GRIK2: variants seen among roughly 807,000 people sequenced by gnomAD.
GRIK2 encodes the protein glutamate ionotropic receptor kainate type subunit 2.
In GRIK2, 32 loss-of-function variants were observed where a neutral mutation model predicts 100.3. The observed-to-expected ratio is 0.32, with a 90% CI of 0.24 to 0.43. The LOEUF (loss-of-function observed/expected upper bound fraction) is 0.43, where lower values mean the gene tolerates loss of function less well. Among genes scored for constraint, GRIK2 ranks in the 20% least tolerant of loss-of-function variants. The probability of loss-of-function intolerance (pLI) is 1.00; values close to 1 mark genes in which losing one functional copy is unlikely to be tolerated. For missense variants in GRIK2, 843 were observed against 1,114.9 expected (o/e 0.76, Z 3.47); for synonymous variants, 417 against 389.4 (o/e 1.07, Z -0.83).
At chr6:101,601,149 G>T (rs1779194100) in intron 2 of GRIK2, among the ~76,000 whole-genome samples, 1 of 148,930 alleles carries the variant, frequency 6.7e-6, no homozygotes. Flanking sequence ...ATCATGAAGA[G>T]ATGTTGGATT....
intron 7 of GRIK2, among the ~76,000 whole-genome samples, chr6:101,689,510 G>T (rs1771939559): frequency 6.6e-6 from 1 of 152,086 alleles, no homozygotes; most frequent in Non-Finnish European, 1.5e-5. Flanking sequence ...TCAGTTAAAT[G>T]ACTACTGAAT....
intron 13 of GRIK2, among the ~76,000 whole-genome samples, chr6:101,925,466 T>C (rs1789826965): frequency 6.6e-6 from 1 of 151,578 alleles, no homozygotes; most frequent in African/African-American, 2.4e-5. Context: ...GTTTCTTTTA[T>C]TAATCTTTTC....
intron 2 of GRIK2, among the ~76,000 whole-genome samples, chr6:101,570,848 G>A (rs984455628): frequency 6.6e-6 from 1 of 152,124 alleles, no homozygotes; most frequent in East Asian, 1.9e-4. Flanking sequence ...ATGGAGGGAA[G>A]ACTTGTTTGG....
chr6:101,697,468 A>G (rs1341932417), intron 7 of GRIK2, among the ~76,000 whole-genome samples: 1 of 127,464 alleles, frequency 7.8e-6, no homozygotes, highest in East Asian at 2.2e-4. Context: ...CCCAATTACA[A>G]TGATTTAAAA....
chr6:101,518,398 C>T (rs1774698839), intron 2 of GRIK2, among the ~76,000 whole-genome samples: 1 of 152,078 alleles, frequency 6.6e-6, no homozygotes, highest in Admixed American at 6.6e-5. Flanking sequence ...AATCTGTCAG[C>T]TAATCAGCAA....
rs184894518 is a variant in GRIK2, at chr6:101,456,100, A to G, written c.115+56708A>G. ...GGTTACCTTTAAGTTGTTGGACATT[A>G]GCAGGAATTGGGACAGATTTTTTTT... On this transcript the variant is annotated intron_variant, in intron 2 of 16. Coordinates refer to ENST00000369134, the MANE Select transcript of GRIK2 (RefSeq NM_021956.5). 2.3e-4 allele frequency among the ~76,000 whole-genome samples: 35 copies of G among 151,588 alleles called. 1 individual carries two copies. The East Asian group carries it at 6.0e-3, about 26-fold the overall frequency.
intron 2 of GRIK2, among the ~76,000 whole-genome samples, chr6:101,502,015 A>T (rs1773778130): frequency 6.6e-6 from 1 of 152,180 alleles, no homozygotes; most frequent in Non-Finnish European, 1.5e-5. Flanking sequence ...CTGGGATTAC[A>T]GGCAAGAGCC....
At chr6:101,531,232 A>G (rs1294608338) in intron 2 of GRIK2, among the ~76,000 whole-genome samples, 2 of 151,950 alleles carry the variant, frequency 1.3e-5, no homozygotes, top group Non-Finnish European at 2.9e-5. Flanking sequence ...AGACTCCTCC[A>G]TAGTCCCATA....
At chr6:101,492,466 G>A (rs554318081) in intron 2 of GRIK2, among the ~76,000 whole-genome samples, 3 of 151,628 alleles carry the variant, frequency 2.0e-5, no homozygotes, top group East Asian at 3.9e-4. Flanking sequence ...AATGACTATG[G>A]ACTCATTTTT....
intron 2 of GRIK2, among the ~76,000 whole-genome samples, chr6:101,408,152 A>C (rs1775687664): frequency 6.6e-6 from 1 of 152,168 alleles, no homozygotes; most frequent in Non-Finnish European, 1.5e-5. Flanking sequence ...TGGGCTTGAC[A>C]TGGTGTGCAA....
At position 101,880,983 on chromosome 6, in the gene GRIK2, T is replaced by G. The variant is rs73761461; in HGVS notation, c.1525-8657T>G. ...AAAGCAAAACAATCACTAAACTATTTACTCATTTCATGTCTTAGTAGTTTA... is the reference window on the plus strand; with the variant it reads ...AAAGCAAAACAATCACTAAACTATTGACTCATTTCATGTCTTAGTAGTTTA... On this transcript the variant is annotated intron_variant, in intron 11 of 16. Coordinates refer to ENST00000369134, the MANE Select transcript of GRIK2 (RefSeq NM_021956.5). Among the ~76,000 whole-genome samples the G allele has an allele frequency of 3.7e-3, 566 of 152,032 alleles. 2 individuals carry two copies. The highest frequency in any genetic ancestry group is 0.012 in the African/African-American group (491 of 41,574).
At chr6:101,728,761 T>C (rs1775051898) in intron 7 of GRIK2, among the ~76,000 whole-genome samples, 1 of 152,060 alleles carries the variant, frequency 6.6e-6, no homozygotes. Context: ...GATATTTATC[T>C]GGATATTTTA....
intron 7 of GRIK2, among the ~76,000 whole-genome samples, chr6:101,741,816 A>G (rs1776047318): frequency 2.0e-5 from 3 of 152,248 alleles, no homozygotes; most frequent in Admixed American, 1.3e-4. Context: ...TTTACATGTG[A>G]TAACTCTTAA....
rs940556708 is a variant in GRIK2, at chr6:101,586,358, A to G, written c.116-35591A>G. Among the ~76,000 whole-genome samples, 6 of 152,170 alleles carry G rather than the reference A, an allele frequency of 3.9e-5. No individual in the cohort carries two copies. In the East Asian group the frequency reaches 9.7e-4, roughly 25 times the overall value. ...TTTTTACACAGCATATAATGTATACATTTTACTCTCCTCATGGTACAGAGA... is the reference window on the plus strand; with the variant it reads ...TTTTTACACAGCATATAATGTATACGTTTTACTCTCCTCATGGTACAGAGA... On this transcript the variant is annotated intron_variant, in intron 2 of 16. Transcript: ENST00000369134.
intron 14 of GRIK2, among the ~76,000 whole-genome samples, chr6:101,940,183 G>C (rs1790871591): frequency 6.6e-6 from 1 of 152,126 alleles, no homozygotes; most frequent in Non-Finnish European, 1.5e-5. Context: ...GTCTGCCTTT[G>C]AAGCTGGCTG....
chr6:101,610,206 GAAATGAAGGACCTATCTT>G (rs1384811022), intron 2 of GRIK2, among the ~76,000 whole-genome samples: 1 of 151,296 alleles, frequency 6.6e-6, no homozygotes, highest in Non-Finnish European at 1.5e-5. Flanking sequence ...TAGGTAAGAA[GAAATGAAGGACCTATCTT>G]AAAGTTATAG....
chr6:102,008,609 G>A (rs913906052), intron 14 of GRIK2, among the ~76,000 whole-genome samples: 2 of 152,056 alleles, frequency 1.3e-5, no homozygotes, highest in Admixed American at 6.6e-5. Flanking sequence ...TCTAAAACAT[G>A]AGATGCTAAC....
intron 9 of GRIK2, among the ~76,000 whole-genome samples, chr6:101,805,265 G>A (rs997749710): frequency 6.6e-6 from 1 of 150,964 alleles, no homozygotes; most frequent in African/African-American, 2.4e-5. Flanking sequence ...AACTAAGCAT[G>A]TGAACTTCAT....
At chr6:101,501,745 C>T (rs956168035) in intron 2 of GRIK2, among the ~76,000 whole-genome samples, 1 of 152,014 alleles carries the variant, frequency 6.6e-6, no homozygotes, top group Non-Finnish European at 1.5e-5. Context: ...AGTTCCTTAG[C>T]ATGTTTTTGT....
Sources: gnomAD v4.1 joint callset for allele counts (sites outside exome capture counted in the v4.1 genomes callset) on GRCh38, gnomAD v4.1.1 for gene constraint, MANE v1.5 for transcripts, NCBI Gene and HGNC (gene_info 2026-07-23, HGNC 2026-07-21) for gene names.